Variants in FMN1 observed in about 807,000 individuals in gnomAD.
The protein encoded by FMN1 is formin-1.
In FMN1, 110 loss-of-function variants were observed where a neutral mutation model predicts 132.4. That is an observed-to-expected ratio of 0.83 (90% confidence interval 0.71 to 0.97). The LOEUF is 0.97. Among genes scored for constraint, FMN1 ranks in the 50% least tolerant of loss-of-function variants. The pLI is 0.00. For synonymous variants in FMN1, 722 were observed against 651.7 expected (o/e 1.11, Z -1.64); for missense variants, 1,792 against 1,705.3 (o/e 1.05, Z -0.90).
chr15:32,897,929 A>G (rs2060199204), intron 15 of FMN1, among the ~76,000 whole-genome samples: 1 of 152,226 alleles, frequency 6.6e-6, no homozygotes, highest in Non-Finnish European at 1.5e-5. Context: ...CTTAATAGCC[A>G]AAAACTATCA....
At chr15:32,974,091 T>C (rs1375629078) in intron 7 of FMN1, among the ~76,000 whole-genome samples, 2 of 152,326 alleles carry the variant, frequency 1.3e-5, no homozygotes, top group East Asian at 1.9e-4. Flanking sequence ...GGAAACAAAA[T>C]GCCTTTATAT....
At chr15:32,904,146 T>C (rs2060364463) in intron 12 of FMN1, among the ~76,000 whole-genome samples, 1 of 151,990 alleles carries the variant, frequency 6.6e-6, no homozygotes. Context: ...CTGTGGAGTG[T>C]GAATGAGTGC....
chr15:32,834,978 T>G lies in FMN1; in HGVS notation c.3928+22037A>C, dbSNP rs150785750. ...GCTGTTCTGAAACTGCCATTGCAGT[T>G]TGGCTTTGTGGCTTTGGATACTCTC... On this transcript the variant is annotated intron_variant, in intron 17 of 20. Transcript: ENST00000616417. Among the ~76,000 whole-genome samples, 87 of 152,340 alleles carry G rather than the reference T, an allele frequency of 5.7e-4. No individual in the cohort carries two copies. In the East Asian group the frequency reaches 0.013, roughly 23 times the overall value.
At chr15:32,817,220 C>T (rs1408167206) in intron 17 of FMN1, among the ~76,000 whole-genome samples, 1 of 152,168 alleles carries the variant, frequency 6.6e-6, no homozygotes, top group Non-Finnish European at 1.5e-5. Context: ...AATAGACTAC[C>T]AGAACGTCCT....
At chr15:32,803,781 A>C (rs1263996433) in intron 18 of FMN1, among the ~76,000 whole-genome samples, 1 of 152,216 alleles carries the variant, frequency 6.6e-6, no homozygotes, top group Non-Finnish European at 1.5e-5. Context: ...GCGGTTCAGG[A>C]GCAGAGCAAT....
chr15:32,869,813 AG>A (rs1322642743), intron 16 of FMN1, among the ~76,000 whole-genome samples: 2 of 152,232 alleles, frequency 1.3e-5, no homozygotes, highest in African/African-American at 4.8e-5. Flanking sequence ...TCTGTGCAGA[AG>A]GATCAAGTGA....
At chr15:33,133,727 C>T (rs1963644885) in intron 4 of FMN1, among the ~76,000 whole-genome samples, 1 of 152,166 alleles carries the variant, frequency 6.6e-6, no homozygotes, top group Non-Finnish European at 1.5e-5. Flanking sequence ...AACGTTTCTA[C>T]CCGTTTTATA....
In FMN1 at chr15:33,066,715, A is replaced by G. The variant is rs1054799207; in HGVS notation, c.2044-1641T>C. ...CTGGCGACTTTGGCTTGACCTCACCACCCTGGGTTTGTGGTACTCCAGGGC... is the reference window on the plus strand; with the variant it reads ...CTGGCGACTTTGGCTTGACCTCACCGCCCTGGGTTTGTGGTACTCCAGGGC... On this transcript the variant is annotated intron_variant, in intron 5 of 20. Coordinates refer to ENST00000616417, the MANE Select transcript of FMN1 (RefSeq NM_001277313.2). 4 of 1,612,734 alleles carry G rather than the reference A, an allele frequency of 2.5e-6. No individual in the cohort carries two copies. The African/African-American group carries it at 4.0e-5, about 16-fold the overall frequency.
chr15:32,857,286 C>A (rs894863742), intron 16 of FMN1, among the ~76,000 whole-genome samples, 179 bp from the exon 17 acceptor site: 3 of 152,080 alleles, frequency 2.0e-5, no homozygotes, highest in Admixed American at 6.5e-5. Flanking sequence ...ATAAACAAAC[C>A]AACAAAAATA....
intron 6 of FMN1, among the ~76,000 whole-genome samples, chr15:33,036,523 A>G (rs1007177855): frequency 6.6e-6 from 1 of 152,180 alleles, no homozygotes; most frequent in African/African-American, 2.4e-5. Context: ...ATGGCTCCCA[A>G]TGAGAGCTGA....
chr15:32,970,765 G>A (rs2031714843), intron 7 of FMN1: 1 of 149,376 alleles, frequency 6.7e-6, no homozygotes, highest in Non-Finnish European at 1.5e-5. Context: ...ATTGAATTAT[G>A]AAGAGATCTA....
chr15:33,032,882 A>G (rs1181139869), intron 6 of FMN1, among the ~76,000 whole-genome samples: 1 of 152,124 alleles, frequency 6.6e-6, no homozygotes, highest in Non-Finnish European at 1.5e-5. Context: ...CTTCATCTAT[A>G]TATGGGAATA....
chr15:33,127,993 C>T (rs74728810), intron 4 of FMN1, among the ~76,000 whole-genome samples: 1 of 151,818 alleles, frequency 6.6e-6, no homozygotes, highest in Non-Finnish European at 1.5e-5. Context: ...AGAAGGGCAA[C>T]GGGGGAAGGG....
intron 19 of FMN1, among the ~76,000 whole-genome samples, chr15:32,794,959 G>C (rs1225449665): frequency 1.3e-5 from 2 of 152,176 alleles, no homozygotes; most frequent in African/African-American, 4.8e-5. Flanking sequence ...ACTTTGGGAG[G>C]CCAAGGCAGG....
At chr15:32,916,625 ATTC>A (rs2060691817) in intron 10 of FMN1, among the ~76,000 whole-genome samples, 1 of 152,236 alleles carries the variant, frequency 6.6e-6, no homozygotes, top group East Asian at 1.9e-4. Context: ...AGCCTGTTTT[ATTC>A]TTCTTTTTAT....
At chr15:33,008,107 G>C in intron 6 of FMN1, 32 bp from the exon 7 acceptor site, 1 of 1,545,390 alleles carries the variant, frequency 6.5e-7, no homozygotes. Flanking sequence ...CAATTATAAA[G>C]AAGTACAAAA....
intron 6 of FMN1, among the ~76,000 whole-genome samples, chr15:33,042,173 A>G (rs1454988): frequency 0.39 from 59,268 of 151,938 alleles, 11,941 homozygotes; most frequent in Admixed American, 0.48. Context: ...AATCCCATTT[A>G]CAATCAAATA....
At chr15:32,909,039 A>G (rs1316866302) in intron 11 of FMN1, among the ~76,000 whole-genome samples, 1 of 152,180 alleles carries the variant, frequency 6.6e-6, no homozygotes, top group Admixed American at 6.5e-5. Flanking sequence ...AAATTTCGTA[A>G]GCACTCATTG....
intron 6 of FMN1, among the ~76,000 whole-genome samples, chr15:33,055,120 T>A (rs907134636): frequency 2.6e-5 from 4 of 152,158 alleles, no homozygotes; most frequent in Admixed American, 2.6e-4. Flanking sequence ...AGACCTTAAG[T>A]CTGATAAACA....
Sources: allele counts gnomAD v4.1 joint callset (sites outside exome capture counted in the v4.1 genomes callset), GRCh38; gene constraint gnomAD v4.1.1; transcripts MANE v1.5; gene names NCBI Gene and HGNC (gene_info 2026-07-23, HGNC 2026-07-21).